The following TTC17 variants were observed in gnomAD, a reference collection of about 807,000 sequenced individuals.
TTC17 encodes tetratricopeptide repeat domain 17.
TTC17 carries 58 observed loss-of-function variants against 143.8 expected under a neutral mutation model. The ratio of observed to expected loss-of-function variants is 0.40; its 90% CI spans 0.33 to 0.50. The LOEUF (loss-of-function observed/expected upper bound fraction) is 0.50. Among genes scored for constraint, TTC17 ranks in the 20% least tolerant of loss-of-function variants. The pLI, the probability that TTC17 is intolerant of heterozygous loss-of-function variation, is 0.49. For synonymous variants in TTC17, 501 were observed against 497.8 expected (o/e 1.01, Z -0.09); for missense variants, 1,273 against 1,392.5 (o/e 0.91, Z 1.37).
chr11:43,422,525 G>A (rs771543700), intron 16 of TTC17, among the ~76,000 whole-genome samples: 3 of 152,106 alleles, frequency 2.0e-5, no homozygotes, highest in Non-Finnish European at 2.9e-5. Context: ...AGTTACTAGG[G>A]TATTCTAGCC....
chr11:43,401,261 G>A (rs759916065), intron 9 of TTC17, among the ~76,000 whole-genome samples, 185 bp from the exon 10 acceptor site: 12 of 152,144 alleles, frequency 7.9e-5, no homozygotes, highest in Non-Finnish European at 1.5e-4. Flanking sequence ...GAAAAACTGG[G>A]ACTTCTTAGA....
At chr11:43,442,054 G>C (rs1003094984) in intron 16 of TTC17, among the ~76,000 whole-genome samples, 1 of 152,190 alleles carries the variant, frequency 6.6e-6, no homozygotes, top group South Asian at 2.1e-4. Flanking sequence ...CTGCACTCCC[G>C]CGTTATATTG....
intron 16 of TTC17, among the ~76,000 whole-genome samples, chr11:43,427,244 G>T (rs1947050005): frequency 1.3e-5 from 2 of 152,208 alleles, no homozygotes; most frequent in African/African-American, 4.8e-5. Flanking sequence ...AGGAGAGGCA[G>T]ATGGTAAACA....
chr11:43,384,445 C>T (rs916975344), intron 2 of TTC17, among the ~76,000 whole-genome samples: 2 of 152,138 alleles, frequency 1.3e-5, no homozygotes, highest in Non-Finnish European at 2.9e-5. Flanking sequence ...TGCTTGAGCC[C>T]GGGAGTTCGA....
intron 9 of TTC17, 42 bp from the exon 10 acceptor site, chr11:43,401,404 T>C (rs745711517): frequency 2.9e-6 from 4 of 1,388,562 alleles, no homozygotes; most frequent in Non-Finnish European, 4.0e-6. Context: ...TTGGCATTGT[T>C]GACCTTGCTC....
Position 43,492,016 on chromosome 11 carries a change from C to T in TTC17, c.3151-4C>T. 1 of 1,613,034 alleles carries T rather than the reference C, an allele frequency of 6.2e-7. No individual in the cohort carries two copies. Among genetic ancestry groups the T allele is most frequent in the Non-Finnish European group, 8.5e-7 (1 of 1,179,530 alleles). On this transcript the variant is annotated splice_polypyrimidine_tract_variant and splice_region_variant and intron_variant, in intron 22 of 23. Coordinates refer to ENST00000039989, the MANE Select transcript of TTC17 (RefSeq NM_018259.6). ...CCTTCTCACCATTCTCCTTCTTCTC[C>T]CAGGATGTGCCCCTGATTAGCCTGG...
intron 16 of TTC17, among the ~76,000 whole-genome samples, chr11:43,441,380 G>A (rs190460294): frequency 1.5e-4 from 22 of 150,622 alleles, no homozygotes; most frequent in African/African-American, 5.1e-4. Context: ...GAAGCATTTT[G>A]TGATTACATG....
At chr11:43,361,537 A>G (rs1464749805) in intron 1 of TTC17, among the ~76,000 whole-genome samples, 2 of 152,258 alleles carry the variant, frequency 1.3e-5, no homozygotes, top group African/African-American at 4.8e-5. Context: ...ACAATAAAGT[A>G]TCAAAATACC....
intron 21 of TTC17, among the ~76,000 whole-genome samples, chr11:43,467,727 C>T (rs540662076): frequency 6.6e-6 from 1 of 151,946 alleles, no homozygotes; most frequent in East Asian, 1.9e-4. Flanking sequence ...AAAGATAGGT[C>T]AAAACAGGTT....
At chr11:43,398,513 T>C (rs1000397070) in intron 8 of TTC17, among the ~76,000 whole-genome samples, 3 of 152,196 alleles carry the variant, frequency 2.0e-5, no homozygotes, top group Non-Finnish European at 2.9e-5. Context: ...CAATAGTTGA[T>C]ATTTCTCCTC....
chr11:43,436,135 G>A (rs1300045874), intron 16 of TTC17: 2 of 1,331,500 alleles, frequency 1.5e-6, no homozygotes, highest in Non-Finnish European at 1.9e-6. Flanking sequence ...TATTTCTAAT[G>A]TGCTATATCT....
chr11:43,447,416 C>T (rs1317891064), intron 18 of TTC17, among the ~76,000 whole-genome samples: 3 of 152,064 alleles, frequency 2.0e-5, no homozygotes. Context: ...CTCCCTGCTG[C>T]TCTTCTTTAT....
At chr11:43,477,816 AT>A (rs534869820) in intron 21 of TTC17, among the ~76,000 whole-genome samples, 16 of 152,018 alleles carry the variant, frequency 1.1e-4, no homozygotes, top group South Asian at 2.1e-4. Flanking sequence ...TTCTAAATTA[AT>A]TTTTTTTGGG....
intron 11 of TTC17, 48 bp from the exon 12 acceptor site, chr11:43,405,466 A>T (rs1858076538): frequency 7.2e-7 from 1 of 1,382,526 alleles, no homozygotes; most frequent in Non-Finnish European, 1.0e-6. Context: ...TAGCATATTG[A>T]AATATTGAAT....
Position 43,359,157 on chromosome 11 carries a change from C to G in TTC17, c.159+44C>G, listed in dbSNP as rs370464781. The G allele has an allele frequency of 2.9e-4, 436 of 1,525,420 alleles. 1 individual carries two copies. The highest frequency in any genetic ancestry group is 3.5e-4 in the Non-Finnish European group (400 of 1,137,820). 94.5% of individuals were successfully genotyped at this position (1,525,420 alleles called of 1,614,324 possible). On this transcript the variant is annotated intron_variant, in intron 1 of 23. Coordinates refer to ENST00000039989, the MANE Select transcript of TTC17 (RefSeq NM_018259.6). ...CTCTTCTCCCGTGCCCGCCCTCGCC[C>G]CGGGGGGATTACCCTGCTTGGCCCC...
At chr11:43,479,384 TAAACTA>T (rs1948244778) in intron 21 of TTC17, among the ~76,000 whole-genome samples, 1 of 152,190 alleles carries the variant, frequency 6.6e-6, no homozygotes, top group Admixed American at 6.5e-5. Context: ...TTAGCCATCT[TAAACTA>T]AAATAAATTG....
At chr11:43,491,982 C>T in intron 22 of TTC17, 38 bp from the exon 23 acceptor site, 1 of 1,607,128 alleles carries the variant, frequency 6.2e-7, no homozygotes, top group Non-Finnish European at 8.5e-7. Context: ...AGCTCAAAAC[C>T]CAATTTTCCC....
intron 17 of TTC17, 70 bp downstream of exon 17, chr11:43,443,654 G>A: frequency 6.5e-7 from 1 of 1,532,002 alleles, no homozygotes; most frequent in Non-Finnish European, 8.8e-7. Flanking sequence ...TATGCAAAGT[G>A]GGAAGTTTCT....
intron 21 of TTC17, among the ~76,000 whole-genome samples, chr11:43,487,827 G>A (rs953680393): frequency 3.3e-5 from 5 of 152,290 alleles, no homozygotes; most frequent in South Asian, 4.2e-4. Context: ...CTCTCTCTTC[G>A]GCTTGCAGTT....
Sources: allele counts gnomAD v4.1 joint callset (sites outside exome capture counted in the v4.1 genomes callset), GRCh38; gene constraint gnomAD v4.1.1; transcripts MANE v1.5; gene names NCBI Gene and HGNC (gene_info 2026-07-23, HGNC 2026-07-21).